The following SNTG2 variants were observed in gnomAD, a reference collection of about 807,000 sequenced individuals.
The protein encoded by SNTG2 is syntrophin gamma 2.
Under a neutral mutation model 70.9 loss-of-function variants are expected in SNTG2, and 74 were observed. The ratio of observed to expected loss-of-function variants is 1.04; its 90% CI spans 0.86 to 1.27. The LOEUF (loss-of-function observed/expected upper bound fraction) is 1.27. SNTG2 is among the 50% of genes most tolerant of loss of function. The pLI is 0.00. For synonymous variants in SNTG2, 278 were observed against 273.8 expected, an observed-to-expected ratio of 1.02 and a Z score of -0.15; for missense variants, 717 against 690.7, an observed-to-expected ratio of 1.04 and a Z score of -0.43.
chr2:1,125,221 C>A (rs1163562252), intron 4 of SNTG2, among the ~76,000 whole-genome samples: 1 of 152,124 alleles, frequency 6.6e-6, no homozygotes, highest in African/African-American at 2.4e-5. Flanking sequence ...CTATAAATAG[C>A]TACTAAAGTC....
chr2:1,251,699 C>G (rs1249376510), intron 12 of SNTG2, among the ~76,000 whole-genome samples: 2 of 146,246 alleles, frequency 1.4e-5, no homozygotes, highest in African/African-American at 5.1e-5. Flanking sequence ...ACACACCATG[C>G]ACACCACACA....
At chr2:1,265,809 T>A (rs2148180386) in intron 13 of SNTG2, among the ~76,000 whole-genome samples, 1 of 152,302 alleles carries the variant, frequency 6.6e-6, no homozygotes, top group Middle Eastern at 3.4e-3. Context: ...GGTGGGCAGC[T>A]CCCCTTCCTT....
At chr2:1,329,259 A>AAAC (rs200015729) in intron 16 of SNTG2, among the ~76,000 whole-genome samples, 1 of 152,178 alleles carries the variant, frequency 6.6e-6, no homozygotes, top group South Asian at 2.1e-4. Flanking sequence ...AAAGGCTAAA[A>AAAC]AACAACAACA....
In SNTG2 at chr2:1,169,877, C is replaced by A. The variant is rs5024310; in HGVS notation, c.500-3215C>A. Among the ~76,000 whole-genome samples, 83 of 152,124 alleles carry A rather than the reference C, an allele frequency of 5.5e-4. 1 individual carries two copies. The highest frequency in any genetic ancestry group is 1.8e-3 in the African/African-American group (74 of 41,530). On this transcript the variant is annotated intron_variant, in intron 7 of 16. Coordinates refer to ENST00000308624, the MANE Select transcript of SNTG2 (RefSeq NM_018968.4). Reference sequence around the variant, plus strand: ...CCCATTAATTCAATAAGTGTCTATTCTCCTTTTATTTCATTCTTTACAGTG... The same window carrying A: ...CCCATTAATTCAATAAGTGTCTATTATCCTTTTATTTCATTCTTTACAGTG...
chr2:1,292,589 C>A (rs1680037078), intron 14 of SNTG2, among the ~76,000 whole-genome samples: 1 of 152,232 alleles, frequency 6.6e-6, no homozygotes, highest in Non-Finnish European at 1.5e-5. Flanking sequence ...TTTTTTGCAT[C>A]TATTAAGATG....
chr2:1,284,374 A>C (rs1679684799), intron 14 of SNTG2, among the ~76,000 whole-genome samples: 1 of 152,198 alleles, frequency 6.6e-6, no homozygotes, highest in African/African-American at 2.4e-5. Flanking sequence ...CAGCCAGTTG[A>C]ACCTGGAAAT....
intron 12 of SNTG2, among the ~76,000 whole-genome samples, chr2:1,248,666 CAG>C (rs1677577793): frequency 6.6e-6 from 1 of 152,168 alleles, no homozygotes; most frequent in Non-Finnish European, 1.5e-5. Context: ...TGTTTTTGAG[CAG>C]AGCTAAGATA....
At chr2:1,036,856 C>T (rs1010334795) in intron 1 of SNTG2, among the ~76,000 whole-genome samples, 11 of 152,174 alleles carry the variant, frequency 7.2e-5, no homozygotes, top group African/African-American at 2.4e-4. Context: ...TTCAGAATAC[C>T]GTGTCTCTCT....
chr2:1,016,190 CTG>C (rs1233427261), intron 1 of SNTG2, among the ~76,000 whole-genome samples: 1 of 152,062 alleles, frequency 6.6e-6, no homozygotes, highest in Non-Finnish European at 1.5e-5. Flanking sequence ...AAGTGTATAA[CTG>C]TTGTCAACAA....
chr2:1,005,038 T>A lies in SNTG2; in HGVS notation c.72+53970T>A, dbSNP rs369253003. Reference sequence around the variant, plus strand: ...AATGAACTATCAAGCCACAAAAAAATGGAGGAAATTTACATGCAAATTACT... The same window carrying A: ...AATGAACTATCAAGCCACAAAAAAAAGGAGGAAATTTACATGCAAATTACT... On this transcript the variant is annotated intron_variant, in intron 1 of 16. Coordinates refer to ENST00000308624, the MANE Select transcript of SNTG2 (RefSeq NM_018968.4). 7.6e-4 allele frequency among the ~76,000 whole-genome samples: 115 copies of A among 152,082 alleles called. No homozygotes were observed. In the Middle Eastern group the frequency reaches 0.01, roughly 13 times the overall value.
intron 4 of SNTG2, among the ~76,000 whole-genome samples, chr2:1,129,728 C>G (rs949293509): frequency 1.3e-5 from 2 of 152,280 alleles, no homozygotes; most frequent in Admixed American, 1.3e-4. Context: ...TTCTGGTTGT[C>G]ATGGTGTTGA....
Position 1,367,394 on chromosome 2 carries a change from A to T in SNTG2, c.1540A>T (p.Ile514Leu). The change falls in exon 17 of 17, where the codon ATA becomes TTA. Residue 514 changes from isoleucine (I) to leucine (L), a missense_variant. Coordinates refer to ENST00000308624, the MANE Select transcript of SNTG2 (RefSeq NM_018968.4). ...TGTCCTGCACTGCATCCACTCCTTCATAGCAGCCAAGGTGGCCTCCGTGGA... is the reference window on the plus strand; with the variant it reads ...TGTCCTGCACTGCATCCACTCCTTCTTAGCAGCCAAGGTGGCCTCCGTGGA... The part of the protein sequence containing the change: ...RAVLHCIHSF[I>L]AAKVASVDPG... 1.3e-6 allele frequency: 2 copies of T among 1,551,752 alleles called. No homozygotes were observed. Among genetic ancestry groups the T allele is most frequent in the Middle Eastern group, 1.7e-4 (1 of 5,992 alleles).
chr2:1,209,646 C>T (rs1673905206), intron 9 of SNTG2, among the ~76,000 whole-genome samples: 2 of 152,154 alleles, frequency 1.3e-5, no homozygotes. Flanking sequence ...AGGGTTAGAC[C>T]AGCACCTATG....
intron 8 of SNTG2, among the ~76,000 whole-genome samples, chr2:1,205,905 G>A (rs1040807714): frequency 1.3e-5 from 2 of 152,064 alleles, no homozygotes; most frequent in African/African-American, 2.4e-5. Flanking sequence ...ATGGCTTTTG[G>A]GGGTCAGTTC....
chr2:991,372 TACACACACACACACACACACAC>T (rs61002101), intron 1 of SNTG2, among the ~76,000 whole-genome samples: 6 of 140,264 alleles, frequency 4.3e-5, no homozygotes, highest in Non-Finnish European at 9.2e-5. Context: ...TCTGTAATAT[TACACACACACACACACACACAC>T]ACACACACAC....
At chr2:1,255,843 A>AATATAT (rs1282426199) in intron 12 of SNTG2, among the ~76,000 whole-genome samples, 2 of 32,434 alleles carry the variant, frequency 6.2e-5, no homozygotes, top group Non-Finnish European at 1.1e-4. Context: ...AATATATATA[A>AATATAT]ATATATATAA....
intron 6 of SNTG2, chr2:1,160,678 G>A (rs1192134695): frequency 6.6e-6 from 1 of 152,262 alleles, no homozygotes; most frequent in African/African-American, 2.4e-5. Flanking sequence ...CTCTGGAAGT[G>A]ACTAGGGTGA....
intron 6 of SNTG2, among the ~76,000 whole-genome samples, chr2:1,155,589 T>G (rs1669840282): frequency 6.6e-6 from 1 of 152,188 alleles, no homozygotes; most frequent in Non-Finnish European, 1.5e-5. Flanking sequence ...TGGGGCCATG[T>G]GTGCAACAAT....
intron 15 of SNTG2, among the ~76,000 whole-genome samples, chr2:1,313,278 A>G (rs73908843): frequency 0.017 from 2,621 of 152,322 alleles, 63 homozygotes; most frequent in African/African-American, 0.058. Context: ...TACTAAAACT[A>G]TGGAAAAATG....
Sources: allele counts gnomAD v4.1 joint callset (sites outside exome capture counted in the v4.1 genomes callset), GRCh38; gene constraint gnomAD v4.1.1; transcripts MANE v1.5; gene names NCBI Gene and HGNC (gene_info 2026-07-23, HGNC 2026-07-21).